TGFB2: variants seen among roughly 807,000 people sequenced by gnomAD.
TGFB2 encodes transforming growth factor beta-2 proprotein.
TGFB2 carries 13 observed loss-of-function variants against 42.7 expected under a neutral mutation model. The observed-to-expected ratio is 0.30, with a 90% CI of 0.20 to 0.48. The LOEUF (loss-of-function observed/expected upper bound fraction) is 0.48. Ranked by LOEUF, TGFB2 falls within the 20% of genes least tolerant of loss-of-function variation. TGFB2 has a pLI of 0.99. For synonymous variants in TGFB2, 193 were observed against 193.6 expected (o/e 1.00, Z 0.03); for missense variants, 390 against 517.5 (o/e 0.75, Z 2.39).
intron 2 of TGFB2, among the ~76,000 whole-genome samples, chr1:218,419,072 T>C (rs538317531): frequency 5.9e-5 from 9 of 152,324 alleles, no homozygotes; most frequent in Non-Finnish European, 1.0e-4. Context: ...AAGTCTTCTC[T>C]TTAAAGCTCT....
At chr1:218,437,539 A>G (rs912814112) in intron 6 of TGFB2, 43 bp downstream of exon 6, 1 of 1,556,764 alleles carries the variant, frequency 6.4e-7, no homozygotes, top group Non-Finnish European at 8.7e-7. Flanking sequence ...TTGGGTTACC[A>G]TGTGCACCTG....
chr1:218,353,668 G>T (rs1320723206), intron 1 of TGFB2, among the ~76,000 whole-genome samples: 1 of 152,278 alleles, frequency 6.6e-6, no homozygotes, highest in Admixed American at 6.5e-5. Flanking sequence ...AAGCTGAGGC[G>T]GGAGGATCAC....
rs769232186 is a variant in TGFB2 at position 218,441,407 on chromosome 1, A to G, written c.*45A>G. On this transcript the variant is annotated 3_prime_UTR_variant, in exon 7 of 7. Transcript: ENST00000366930. Reference sequence around the variant, plus strand: ...AGACCAAAATGACAATGATGATGATAATGATGATGACGACGACAACGATGA... The same window carrying G: ...AGACCAAAATGACAATGATGATGATGATGATGATGACGACGACAACGATGA... 4.0e-5 allele frequency: 62 copies of G among 1,562,186 alleles called. No individual in the cohort carries two copies. In the Admixed American group the frequency reaches 9.7e-4, roughly 24 times the overall value.
chr1:218,391,345 C>T (rs553824416), intron 1 of TGFB2, among the ~76,000 whole-genome samples: 3 of 152,260 alleles, frequency 2.0e-5, no homozygotes, highest in Admixed American at 6.5e-5. Flanking sequence ...AGCCCCTGCC[C>T]GTAGACTTGG....
At chr1:218,413,853 A>G (rs1377919778) in intron 2 of TGFB2, among the ~76,000 whole-genome samples, 2 of 152,228 alleles carry the variant, frequency 1.3e-5, no homozygotes, top group African/African-American at 2.4e-5. Flanking sequence ...GCAAGGATAT[A>G]AAACAGTGGT....
intron 1 of TGFB2, among the ~76,000 whole-genome samples, chr1:218,390,362 TTTC>T (rs1429846873): frequency 6.6e-6 from 1 of 152,164 alleles, no homozygotes; most frequent in Non-Finnish European, 1.5e-5. Flanking sequence ...AGCTTATTTT[TTTC>T]TTAAGAATTC....
intron 1 of TGFB2, among the ~76,000 whole-genome samples, chr1:218,383,508 G>C (rs1658031518): frequency 6.6e-6 from 1 of 152,310 alleles, no homozygotes; most frequent in African/African-American, 2.4e-5. Context: ...TGGGAAAGCA[G>C]GTGCATGAGA....
Position 218,396,671 on chromosome 1 carries a change from C to T in TGFB2, c.347-8498C>T, listed in dbSNP as rs557276038. ...CCCTTGAGATTTGATATCCCTAAGT[C>T]TTCCCTTCTTCAGTCTGAGTACTAC... On this transcript the variant is annotated intron_variant, in intron 1 of 6. Transcript: ENST00000366930. Among the ~76,000 whole-genome samples, 6 of 152,144 alleles carry T rather than the reference C, an allele frequency of 3.9e-5. No individual in the cohort carries two copies. The South Asian group carries it at 1.2e-3, about 32-fold the overall frequency.
At chr1:218,428,896 G>C (rs1227570165) in intron 2 of TGFB2, among the ~76,000 whole-genome samples, 1 of 151,738 alleles carries the variant, frequency 6.6e-6, no homozygotes, top group East Asian at 1.9e-4. Flanking sequence ...GCTTGATGGG[G>C]ATGGCACTGA....
At chr1:218,438,537 A>C (rs894624598) in intron 6 of TGFB2, among the ~76,000 whole-genome samples, 1 of 152,204 alleles carries the variant, frequency 6.6e-6, no homozygotes, top group Non-Finnish European at 1.5e-5. Context: ...ATGAAGTACA[A>C]AAGATGATAT....
intron 6 of TGFB2, among the ~76,000 whole-genome samples, chr1:218,438,576 T>C (rs1417377728): frequency 1.3e-5 from 2 of 152,158 alleles, no homozygotes; most frequent in Non-Finnish European, 1.5e-5. Context: ...AATTCGTTTC[T>C]CTACTTTTTT....
At position 218,395,828 on chromosome 1, in the gene TGFB2, A is replaced by T. The variant is rs1160481409; in HGVS notation, c.347-9341A>T. On this transcript the variant is annotated intron_variant, in intron 1 of 6. Coordinates refer to ENST00000366930, the MANE Select transcript of TGFB2 (RefSeq NM_003238.6). ...ACGGGATTTCACCATGTTAGCCAGGATGGTCTCGATCTCCTGACCTCGTGA... is the reference window on the plus strand; with the variant it reads ...ACGGGATTTCACCATGTTAGCCAGGTTGGTCTCGATCTCCTGACCTCGTGA... Among the ~76,000 whole-genome samples, 4 of 151,870 alleles carry T rather than the reference A, an allele frequency of 2.6e-5. No homozygotes were observed. The East Asian group carries it at 7.7e-4, about 29-fold the overall frequency.
chr1:218,390,266 C>T (rs1349520754), intron 1 of TGFB2, among the ~76,000 whole-genome samples: 1 of 151,716 alleles, frequency 6.6e-6, no homozygotes, highest in African/African-American at 2.4e-5. Flanking sequence ...TTTGCACCTC[C>T]ATTGCAAAGA....
At chr1:218,392,686 G>T (rs1658353580) in intron 1 of TGFB2, among the ~76,000 whole-genome samples, 1 of 152,218 alleles carries the variant, frequency 6.6e-6, no homozygotes, top group South Asian at 2.1e-4. Flanking sequence ...CAACCCCTTT[G>T]TGTGCTATCA....
At chr1:218,364,200 T>A (rs1571837656) in intron 1 of TGFB2, among the ~76,000 whole-genome samples, 2 of 152,120 alleles carry the variant, frequency 1.3e-5, no homozygotes, top group Non-Finnish European at 1.5e-5. Flanking sequence ...AGGAAATGGA[T>A]CGTCATGGGT....
intron 1 of TGFB2, among the ~76,000 whole-genome samples, chr1:218,347,272 T>G (rs1656718805): frequency 6.6e-6 from 1 of 152,170 alleles, no homozygotes; most frequent in Non-Finnish European, 1.5e-5. Context: ...CCCTTCCCCC[T>G]AACAATTCGG....
intron 1 of TGFB2, among the ~76,000 whole-genome samples, chr1:218,387,836 G>A (rs931029353): frequency 1.8e-4 from 28 of 152,332 alleles, no homozygotes; most frequent in African/African-American, 6.7e-4. Flanking sequence ...ATGACTCTAT[G>A]TTGCCTGGCT....
chr1:218,362,434 A>G (rs1353475857), intron 1 of TGFB2, among the ~76,000 whole-genome samples: 1 of 152,164 alleles, frequency 6.6e-6, no homozygotes, highest in African/African-American at 2.4e-5. Flanking sequence ...TGTTTTAAAT[A>G]TATCATCTCA....
chr1:218,403,197 AT>A (rs1194765266), intron 1 of TGFB2, among the ~76,000 whole-genome samples: 4 of 147,540 alleles, frequency 2.7e-5, no homozygotes, highest in Admixed American at 6.7e-5. Flanking sequence ...GATACTTTGG[AT>A]TTTTTGGGGT....
Sources: allele counts gnomAD v4.1 joint callset (sites outside exome capture counted in the v4.1 genomes callset), GRCh38; gene constraint gnomAD v4.1.1; transcripts MANE v1.5; gene names NCBI Gene and HGNC (gene_info 2026-07-23, HGNC 2026-07-21).